The following KCNQ3 variants were observed in gnomAD, a reference collection of about 807,000 sequenced individuals.
KCNQ3 encodes potassium voltage-gated channel subfamily Q member 3, also known as potassium voltage-gated channel subfamily KQT member 3.
In KCNQ3, 30 loss-of-function variants were observed where a neutral mutation model predicts 92.5. That is an observed-to-expected ratio of 0.32 (90% CI 0.24 to 0.44). The LOEUF (loss-of-function observed/expected upper bound fraction) is 0.44. Ranked by LOEUF, KCNQ3 falls within the 20% of genes least tolerant of loss-of-function variation. The pLI is 1.00. For synonymous variants in KCNQ3, 450 were observed against 468.8 expected, an observed-to-expected ratio of 0.96 and a Z score of 0.52; for missense variants, 913 against 1,140.3, an observed-to-expected ratio of 0.80 and a Z score of 2.87.
At chr8:132,426,614 G>A (rs1515518) in intron 1 of KCNQ3, among the ~76,000 whole-genome samples, 34,232 of 152,162 alleles carry the variant, frequency 0.22, 4,191 homozygotes, top group Non-Finnish European at 0.27. Context: ...CATAACTGTA[G>A]GGTGAAATCC....
chr8:132,168,763 G>T (rs905340693), intron 8 of KCNQ3, among the ~76,000 whole-genome samples: 1 of 114,498 alleles, frequency 8.7e-6, no homozygotes, highest in African/African-American at 3.0e-5. Context: ...GTGTGTGTGT[G>T]TGTGTGTGTG....
chr8:132,315,240 C>T (rs1001753344), intron 1 of KCNQ3, among the ~76,000 whole-genome samples: 10 of 151,760 alleles, frequency 6.6e-5, no homozygotes, highest in Non-Finnish European at 1.5e-4. Context: ...GGAATGGAGT[C>T]GAGAGCTGCT....
chr8:132,189,883 A>T (rs963980470), intron 1 of KCNQ3, among the ~76,000 whole-genome samples: 3 of 113,318 alleles, frequency 2.6e-5, no homozygotes, highest in African/African-American at 1.0e-4. Context: ...AGGGCTAAAA[A>T]TGACCAAAAA....
intron 1 of KCNQ3, among the ~76,000 whole-genome samples, chr8:132,286,201 C>T (rs1816675957): frequency 6.6e-6 from 1 of 152,160 alleles, no homozygotes; most frequent in Non-Finnish European, 1.5e-5. Context: ...TAGCAGCCTG[C>T]AATGCCTGCC....
intron 9 of KCNQ3, among the ~76,000 whole-genome samples, chr8:132,151,051 A>C (rs897838758): frequency 2.0e-5 from 3 of 152,236 alleles, no homozygotes; most frequent in Non-Finnish European, 4.4e-5. Flanking sequence ...TAAATTATGC[A>C]GGTCAGATCC....
intron 1 of KCNQ3, among the ~76,000 whole-genome samples, chr8:132,320,874 T>C (rs955324806): frequency 2.6e-5 from 4 of 152,202 alleles, no homozygotes. Flanking sequence ...TCTATTCACG[T>C]GCAACAGTGA....
chr8:132,435,942 T>C (rs1182570092), intron 1 of KCNQ3, among the ~76,000 whole-genome samples: 1 of 152,212 alleles, frequency 6.6e-6, no homozygotes, highest in Non-Finnish European at 1.5e-5. Context: ...TCCACGGTCC[T>C]GCCCCAGCTC....
intron 1 of KCNQ3, among the ~76,000 whole-genome samples, chr8:132,434,623 T>C (rs1821345077): frequency 6.6e-6 from 1 of 152,198 alleles, no homozygotes. Context: ...TTGGAGATGA[T>C]GCCCCAAACT....
At chr8:132,350,444 G>A (rs1434602762) in intron 1 of KCNQ3, among the ~76,000 whole-genome samples, 7 of 152,186 alleles carry the variant, frequency 4.6e-5, no homozygotes, top group East Asian at 1.9e-4. Context: ...GAAGTCCACC[G>A]AGGCCAAGCT....
chr8:132,253,440 TTC>T (rs1815482005), intron 1 of KCNQ3, among the ~76,000 whole-genome samples: 1 of 152,182 alleles, frequency 6.6e-6, no homozygotes, highest in African/African-American at 2.4e-5. Flanking sequence ...TACTGATGTT[TTC>T]CCCATATTAC....
chr8:132,149,053 T>C (rs557289912), intron 9 of KCNQ3, among the ~76,000 whole-genome samples: 1 of 152,378 alleles, frequency 6.6e-6, no homozygotes, highest in South Asian at 2.1e-4. Flanking sequence ...ATTTATTATT[T>C]TGTAGCTAGA....
At chr8:132,327,055 A>G (rs989964221) in intron 1 of KCNQ3, among the ~76,000 whole-genome samples, 4 of 152,228 alleles carry the variant, frequency 2.6e-5, no homozygotes, top group Admixed American at 2.6e-4. Flanking sequence ...AGGAAGCTTG[A>G]CTGTTTTTTT....
chr8:132,350,652 C>G (rs967168470), intron 1 of KCNQ3, among the ~76,000 whole-genome samples: 1 of 152,184 alleles, frequency 6.6e-6, no homozygotes, highest in African/African-American at 2.4e-5. Flanking sequence ...TTTTCCATCT[C>G]CTTTTCCTTG....
rs769110331 is a variant in KCNQ3 at position 132,170,164 on chromosome 8, C to T, written c.1235+170G>A. 5.9e-5 allele frequency among the ~76,000 whole-genome samples: 9 copies of T among 152,246 alleles called. 1 individual carries two copies. Among genetic ancestry groups the T allele is most frequent in the Middle Eastern group, 3.4e-3 (1 of 294 alleles). On this transcript the variant is annotated intron_variant, in intron 8 of 14. Transcript: ENST00000388996. Reference sequence around the variant, plus strand: ...CTGGGATTATGGGTGTGAGCCACCGCGCCCAGCCAGAACTGTTTAAGCTAC... The same window carrying T: ...CTGGGATTATGGGTGTGAGCCACCGTGCCCAGCCAGAACTGTTTAAGCTAC...
At chr8:132,362,500 G>A (rs1819199668) in intron 1 of KCNQ3, among the ~76,000 whole-genome samples, 2 of 152,152 alleles carry the variant, frequency 1.3e-5, no homozygotes, top group South Asian at 2.1e-4. Flanking sequence ...GAGATGCTCA[G>A]GTCAGTTGGG....
In KCNQ3 at chr8:132,313,544, A is replaced by G. The variant is rs186418725; in HGVS notation, c.387-127363T>C. ...GTCAGCAAATCACTTAATTATTTGT[A>G]TCAATAAGACATTTGATCAAAGTCA... On this transcript the variant is annotated intron_variant, in intron 1 of 14. Coordinates refer to ENST00000388996, the MANE Select transcript of KCNQ3 (RefSeq NM_004519.4). Among the ~76,000 whole-genome samples the G allele has an allele frequency of 3.3e-5, 5 of 152,332 alleles. No homozygotes were observed. The East Asian group carries it at 7.7e-4, about 24-fold the overall frequency.
At chr8:132,182,509 G>A (rs1826818802) in intron 3 of KCNQ3, among the ~76,000 whole-genome samples, 2 of 152,248 alleles carry the variant, frequency 1.3e-5, no homozygotes, top group South Asian at 4.1e-4. Context: ...AGGGAGGGTG[G>A]AGGGGGACCT....
At chr8:132,138,278 C>T (rs1825172387) in intron 11 of KCNQ3, among the ~76,000 whole-genome samples, 1 of 152,184 alleles carries the variant, frequency 6.6e-6, no homozygotes, top group Non-Finnish European at 1.5e-5. Flanking sequence ...TGAGCATTCA[C>T]TGTATGCCAG....
At chr8:132,317,925 G>A (rs1187023234) in intron 1 of KCNQ3, among the ~76,000 whole-genome samples, 1 of 152,022 alleles carries the variant, frequency 6.6e-6, no homozygotes, top group Non-Finnish European at 1.5e-5. Flanking sequence ...ACACAGATCA[G>A]TGGCTAATAA....
Sources: allele counts gnomAD v4.1 joint callset (sites outside exome capture counted in the v4.1 genomes callset), GRCh38; gene constraint gnomAD v4.1.1; transcripts MANE v1.5; gene names NCBI Gene and HGNC (gene_info 2026-07-23, HGNC 2026-07-21).